TMEM232: variants seen among roughly 807,000 people sequenced by gnomAD.
The protein encoded by TMEM232 is transmembrane protein 232.
Under a neutral mutation model 78.8 loss-of-function variants are expected in TMEM232, and 80 were observed. That is an observed-to-expected ratio of 1.01 (90% CI 0.85 to 1.22). The LOEUF is 1.22. Among genes scored for constraint, TMEM232 ranks in the 50% most tolerant of loss-of-function variants. The pLI is 0.00. For missense variants in TMEM232, 881 were observed against 742.2 expected, an observed-to-expected ratio of 1.19 and a Z score of -2.17; for synonymous variants, 297 against 254.3, an observed-to-expected ratio of 1.17 and a Z score of -1.60.
chr5:110,659,227 G>A (rs12109121), intron 2 of TMEM232, among the ~76,000 whole-genome samples: 8 of 152,082 alleles, frequency 5.3e-5, no homozygotes, highest in Non-Finnish European at 1.0e-4. Context: ...TAGGATTATC[G>A]GTATAAAGTA....
At chr5:110,735,616 T>TC (rs568487911) in intron 1 of TMEM232, among the ~76,000 whole-genome samples, 4 of 152,244 alleles carry the variant, frequency 2.6e-5, no homozygotes, top group African/African-American at 9.6e-5. Context: ...CAAATCCTCT[T>TC]CCCCTTTAAG....
intron 1 of TMEM232, among the ~76,000 whole-genome samples, chr5:110,698,085 T>C (rs370523225): frequency 4.6e-5 from 7 of 152,166 alleles, no homozygotes; most frequent in African/African-American, 1.2e-4. Context: ...GGCACATATA[T>C]ACCATGGAAT....
In TMEM232 at chr5:110,713,326, C is replaced by T. The variant is rs184084293; in HGVS notation, c.-13+13301G>A. ...TTTATATATAAAGAATGAGTAAGAC[C>T]TAGTATTTGATAGTACAATGGGCTT... On this transcript the variant is annotated intron_variant, in intron 1 of 13. Transcript: ENST00000455884. Among the ~76,000 whole-genome samples, 4 of 151,912 alleles carry T rather than the reference C, an allele frequency of 2.6e-5. No individual in the cohort carries two copies. The East Asian group carries it at 7.7e-4, about 29-fold the overall frequency.
intron 12 of TMEM232, among the ~76,000 whole-genome samples, chr5:110,479,769 G>A (rs1174891429): frequency 6.6e-6 from 1 of 151,672 alleles, no homozygotes; most frequent in Non-Finnish European, 1.5e-5. Flanking sequence ...TGTTGTCAGT[G>A]TCTGATGAGA....
intron 1 of TMEM232, among the ~76,000 whole-genome samples, chr5:110,724,763 T>G (rs923041046): frequency 6.6e-6 from 1 of 152,192 alleles, no homozygotes; most frequent in African/African-American, 2.4e-5. Flanking sequence ...AGAAAGGAAC[T>G]CTAAAAAAGA....
intron 10 of TMEM232, among the ~76,000 whole-genome samples, chr5:110,580,016 T>C (rs1777994861): frequency 6.6e-6 from 1 of 151,580 alleles, no homozygotes; most frequent in Non-Finnish European, 1.5e-5. Context: ...GTGGCTATAC[T>C]TATACAGAAA....
chr5:110,392,716 T>A (rs55929539), intron 3 of TMEM232, among the ~76,000 whole-genome samples: 2 of 152,142 alleles, frequency 1.3e-5, no homozygotes, highest in African/African-American at 4.8e-5. Flanking sequence ...TCCCAAAGGT[T>A]CCACCTCCAA....
upstream of TMEM232, among the ~76,000 whole-genome samples, chr5:110,727,435 C>G (rs1798267122): frequency 6.6e-6 from 1 of 152,080 alleles, no homozygotes. Context: ...CATGGTGAAA[C>G]CCGTCTCTAC....
At chr5:110,644,077 A>G (rs1787116209) in intron 2 of TMEM232, among the ~76,000 whole-genome samples, 2 of 151,978 alleles carry the variant, frequency 1.3e-5, no homozygotes. Context: ...TGGAGCTTGC[A>G]GTACAATAAA....
intron 12 of TMEM232, among the ~76,000 whole-genome samples, chr5:110,482,722 AAAT>A (rs1213310362): frequency 6.6e-6 from 1 of 151,854 alleles, no homozygotes; most frequent in African/African-American, 2.4e-5. Flanking sequence ...GAATGAGTAA[AAAT>A]AAATAAAAGA....
chr5:110,517,698 T>A (rs1581036656), intron 12 of TMEM232, among the ~76,000 whole-genome samples: 2 of 152,372 alleles, frequency 1.3e-5, no homozygotes, highest in Non-Finnish European at 2.9e-5. Context: ...CAGCTTGCTG[T>A]GCTGCTGAAA....
At chr5:110,544,350 G>A (rs2149589042) in intron 11 of TMEM232, among the ~76,000 whole-genome samples, 1 of 151,492 alleles carries the variant, frequency 6.6e-6, no homozygotes, top group South Asian at 2.1e-4. Flanking sequence ...CTTTGTGTTG[G>A]GCATAAAGAT....
At chr5:110,693,545 A>G (rs1372592394) in intron 1 of TMEM232, among the ~76,000 whole-genome samples, 1 of 152,180 alleles carries the variant, frequency 6.6e-6, no homozygotes, top group Non-Finnish European at 1.5e-5. Context: ...CAAAGAAGTT[A>G]AAAACCCTGA....
intron 12 of TMEM232, among the ~76,000 whole-genome samples, chr5:110,468,165 T>G (rs938309717): frequency 1.3e-5 from 2 of 152,098 alleles, no homozygotes; most frequent in African/African-American, 2.4e-5. Flanking sequence ...ACAGCTAACT[T>G]CTCAACAGGA....
At chr5:110,397,643 T>G (rs1392058446) in intron 3 of TMEM232, 1 of 152,570 alleles carries the variant, frequency 6.6e-6, no homozygotes, top group African/African-American at 2.4e-5. Context: ...CAAAGCCAAT[T>G]TATACATCAA....
At chr5:110,697,174 C>G (rs1794890298) in intron 1 of TMEM232, among the ~76,000 whole-genome samples, 2 of 152,070 alleles carry the variant, frequency 1.3e-5, no homozygotes, top group Non-Finnish European at 1.5e-5. Context: ...CTTTGACAAA[C>G]CTGACAAAAA....
At chr5:110,428,349 CTT>C (rs1358596560) in intron 12 of TMEM232, among the ~76,000 whole-genome samples, 1 of 151,862 alleles carries the variant, frequency 6.6e-6, no homozygotes, top group East Asian at 1.9e-4. Flanking sequence ...CTTTAGAAAA[CTT>C]TCAATTGTAA....
chr5:110,545,741 T>C (rs1773689804), intron 11 of TMEM232, among the ~76,000 whole-genome samples: 1 of 152,114 alleles, frequency 6.6e-6, no homozygotes, highest in Non-Finnish European at 1.5e-5. Context: ...ACAAAGTGCT[T>C]TACCTGATGA....
chr5:110,490,422 A>G (rs565427369), intron 12 of TMEM232, among the ~76,000 whole-genome samples: 1 of 152,188 alleles, frequency 6.6e-6, no homozygotes, highest in South Asian at 2.1e-4. Context: ...CTTGATGTTA[A>G]GATAATAATA....
Sources: gnomAD v4.1 joint callset for allele counts (sites outside exome capture counted in the v4.1 genomes callset) on GRCh38, gnomAD v4.1.1 for gene constraint, MANE v1.5 for transcripts, NCBI Gene and HGNC (gene_info 2026-07-23, HGNC 2026-07-21) for gene names.